The following RBMS1 variants were observed in gnomAD, a reference collection of about 807,000 sequenced individuals.
RBMS1 encodes the protein RNA-binding motif, single-stranded-interacting protein 1.
Under a neutral mutation model 62.3 loss-of-function variants are expected in RBMS1, and 17 were observed. That is an observed-to-expected ratio of 0.27 (90% CI 0.19 to 0.41). RBMS1 has a LOEUF of 0.41. Ranked by LOEUF, RBMS1 falls within the 10% of genes least tolerant of loss-of-function variation. RBMS1 has a pLI of 1.00. For missense variants in RBMS1, 334 were observed against 504.5 expected (o/e 0.66, Z 3.24); for synonymous variants, 172 against 170.0 (o/e 1.01, Z -0.09).
At chr2:160,386,023 T>C (rs181010449) in intron 1 of RBMS1, among the ~76,000 whole-genome samples, 124 of 152,352 alleles carry the variant, frequency 8.1e-4, no homozygotes, top group Middle Eastern at 3.4e-3. Flanking sequence ...AAAGAACTTC[T>C]GAACTAGAAT....
At chr2:160,315,599 C>T (rs983982581) in intron 3 of RBMS1, among the ~76,000 whole-genome samples, 6 of 152,214 alleles carry the variant, frequency 3.9e-5, no homozygotes, top group South Asian at 2.1e-4. Context: ...AAGCTGCCTG[C>T]TTTTACCCTT....
chr2:160,279,347 G>A (rs1382109099), intron 10 of RBMS1: 2 of 151,442 alleles, frequency 1.3e-5, no homozygotes, highest in Non-Finnish European at 2.9e-5. Context: ...AATATATTTA[G>A]GAAAATAGGA....
intron 2 of RBMS1, among the ~76,000 whole-genome samples, chr2:160,320,455 A>G (rs1311373343): frequency 6.6e-6 from 1 of 152,198 alleles, no homozygotes; most frequent in Non-Finnish European, 1.5e-5. Context: ...TCTGGGTGAC[A>G]GAGTGAGACC....
chr2:160,428,702 A>T (rs578179276), intron 1 of RBMS1, among the ~76,000 whole-genome samples: 1 of 152,336 alleles, frequency 6.6e-6, no homozygotes, highest in Admixed American at 6.5e-5. Flanking sequence ...ATGTCCTTTT[A>T]CTATATAAAG....
chr2:160,373,997 G>C (rs1224129300), intron 1 of RBMS1, among the ~76,000 whole-genome samples: 1 of 152,164 alleles, frequency 6.6e-6, no homozygotes, highest in African/African-American at 2.4e-5. Flanking sequence ...AGAATAAAAG[G>C]GGTGGTGGCT....
At chr2:160,395,524 T>C (rs1431812267) in intron 1 of RBMS1, among the ~76,000 whole-genome samples, 1 of 148,436 alleles carries the variant, frequency 6.7e-6, no homozygotes, top group African/African-American at 2.5e-5. Flanking sequence ...CTTGGGAGGC[T>C]GAGGCAGGAG....
At chr2:160,386,979 T>C (rs1694613638) in intron 1 of RBMS1, among the ~76,000 whole-genome samples, 2 of 152,216 alleles carry the variant, frequency 1.3e-5, no homozygotes, top group African/African-American at 4.8e-5. Flanking sequence ...GCTACTGTTA[T>C]TTTGTGTACA....
intron 1 of RBMS1, among the ~76,000 whole-genome samples, chr2:160,464,990 G>A (rs1487291755): frequency 1.3e-5 from 2 of 152,126 alleles, no homozygotes; most frequent in Admixed American, 6.6e-5. Context: ...AAATAAAATG[G>A]TCAATATTTA....
intron 1 of RBMS1, chr2:160,402,236 A>G (rs1695466075): frequency 6.6e-6 from 1 of 152,224 alleles, no homozygotes; most frequent in South Asian, 2.1e-4. Flanking sequence ...TAGAGCCACA[A>G]CTTAAGCCAT....
intron 1 of RBMS1, among the ~76,000 whole-genome samples, chr2:160,370,005 T>C (rs1437382153): frequency 6.6e-6 from 1 of 152,160 alleles, no homozygotes; most frequent in Non-Finnish European, 1.5e-5. Flanking sequence ...GCCATCCATA[T>C]TTACTGCAGT....
chr2:160,365,477 G>A (rs1176129954), intron 2 of RBMS1, among the ~76,000 whole-genome samples: 1 of 152,094 alleles, frequency 6.6e-6, no homozygotes, highest in Non-Finnish European at 1.5e-5. Flanking sequence ...AATATTCTAG[G>A]AAAAATGATA....
At chr2:160,483,255 G>A (rs554324604) in intron 1 of RBMS1, among the ~76,000 whole-genome samples, 10 of 151,878 alleles carry the variant, frequency 6.6e-5, no homozygotes, top group Non-Finnish European at 1.3e-4. Flanking sequence ...TCAAAAAGTA[G>A]AAAAAATGGT....
rs751736079 is a variant in RBMS1, at chr2:160,429,036, AAG to A, written c.76-61647_76-61646del. 9.7e-4 allele frequency among the ~76,000 whole-genome samples: 148 copies of A among 152,328 alleles called. 1 individual carries two copies. The highest frequency in any genetic ancestry group is 1.2e-3 in the Non-Finnish European group (79 of 68,032). On this transcript the variant is annotated intron_variant, in intron 1 of 13. Transcript: ENST00000348849. ...ACAGTTATCTATTGCTTTCTATGTA[AAG>A]ATTGTTTCAATTAAATACATTTGTC...
intron 1 of RBMS1, among the ~76,000 whole-genome samples, chr2:160,446,370 C>T (rs553066800): frequency 6.6e-6 from 1 of 152,106 alleles, no homozygotes; most frequent in East Asian, 1.9e-4. Flanking sequence ...CAAAGCTCTT[C>T]CTTATGCTGA....
chr2:160,313,888 G>A (rs1559366077), intron 3 of RBMS1, among the ~76,000 whole-genome samples: 1 of 152,158 alleles, frequency 6.6e-6, no homozygotes, highest in Non-Finnish European at 1.5e-5. Flanking sequence ...GGCAGTTCAT[G>A]TTCTAAAGTC....
chr2:160,455,706 C>T lies in RBMS1; in HGVS notation c.75+37583G>A, dbSNP rs1457302053. On this transcript the variant is annotated intron_variant, in intron 1 of 13. Coordinates refer to ENST00000348849, the MANE Select transcript of RBMS1 (RefSeq NM_016836.4). ...AGCTTTTTTTTTTTTTTTTTTGAGACGGAGTCTCGCTCTGTCGCCCAGGCT... is the reference window on the plus strand; with the variant it reads ...AGCTTTTTTTTTTTTTTTTTTGAGATGGAGTCTCGCTCTGTCGCCCAGGCT... Among the ~76,000 whole-genome samples the T allele has an allele frequency of 2.8e-3, 365 of 128,770 alleles. 1 individual carries two copies. The highest frequency in any genetic ancestry group is 0.01 in the African/African-American group (332 of 32,736). The allele number at this position is 128,770 out of a possible 152,430, so 84.5% of individuals were successfully genotyped here.
At chr2:160,347,407 C>T (rs1416117575) in intron 2 of RBMS1, among the ~76,000 whole-genome samples, 2 of 152,136 alleles carry the variant, frequency 1.3e-5, no homozygotes, top group Non-Finnish European at 2.9e-5. Context: ...TTTATTTAAA[C>T]ACCATCTTAA....
At chr2:160,397,973 C>T (rs1559502270) in intron 1 of RBMS1, among the ~76,000 whole-genome samples, 1 of 152,218 alleles carries the variant, frequency 6.6e-6, no homozygotes, top group Non-Finnish European at 1.5e-5. Flanking sequence ...TGTCCCATCT[C>T]TTGTCTTGAC....
intron 1 of RBMS1, among the ~76,000 whole-genome samples, chr2:160,450,570 AAAAAAAAAAC>A (rs1464863370): frequency 2.0e-5 from 3 of 149,994 alleles, no homozygotes; most frequent in African/African-American, 7.3e-5. Context: ...AAATGAAAAA[AAAAAAAAAAC>A]AAAAAACATT....
Sources: allele counts gnomAD v4.1 joint callset (sites outside exome capture counted in the v4.1 genomes callset), GRCh38; gene constraint gnomAD v4.1.1; transcripts MANE v1.5; gene names NCBI Gene and HGNC (gene_info 2026-07-23, HGNC 2026-07-21).